Variants in STARD13 observed in about 807,000 individuals in gnomAD.
STARD13 encodes stAR-related lipid transfer protein 13.
A neutral mutation model predicts 106.4 loss-of-function variants in STARD13; 62 were observed. The ratio of observed to expected loss-of-function variants is 0.58; its 90% CI spans 0.48 to 0.72. The LOEUF is 0.72. Among genes scored for constraint, STARD13 ranks in the 30% least tolerant of loss-of-function variants. The pLI is 0.00. For missense variants in STARD13, 1,387 were observed against 1,424.0 expected (o/e 0.97, Z 0.42); for synonymous variants, 565 against 553.0 (o/e 1.02, Z -0.31).
At chr13:33,360,529 G>C in the STARD13 span, among the ~76,000 whole-genome samples, 1 of 151,544 alleles carries the variant, frequency 6.6e-6, no homozygotes, top group Non-Finnish European at 1.5e-5. Flanking sequence ...TAAATTTTAA[G>C]TGTCTTCCTG....
chr13:33,494,044 C>A, the STARD13 span, among the ~76,000 whole-genome samples: 1 of 152,168 alleles, frequency 6.6e-6, no homozygotes. Context: ...TACCTGATTA[C>A]CCAGAGTTAG....
At chr13:33,366,758 C>T in the STARD13 span, among the ~76,000 whole-genome samples, 1 of 152,212 alleles carries the variant, frequency 6.6e-6, no homozygotes, top group African/African-American at 2.4e-5. This position sits in a 1 kb window ranked among gnomAD's most constrained non-coding sequence, Gnocchi z 4.2. Flanking sequence ...CTTCACTATA[C>T]ATATTATTGG....
the STARD13 span, among the ~76,000 whole-genome samples, chr13:33,376,922 A>T: frequency 1.3e-5 from 2 of 152,192 alleles, no homozygotes; most frequent in African/African-American, 4.8e-5. Flanking sequence ...AGAGTTCTAG[A>T]AGACAGGCCT....
At position 33,116,956 on chromosome 13, in the gene STARD13, T is replaced by C. The variant is rs114686047; in HGVS notation, c.2281+1109A>G. ...TATTCTTCAAATTGAATCAAGTCCA[T>C]GTCAAGGTCCATTTCAGGCATATTT... On this transcript the variant is annotated intron_variant, in intron 8 of 13. Transcript: ENST00000336934. Among the ~76,000 whole-genome samples, 159 of 152,336 alleles carry C rather than the reference T, an allele frequency of 1.0e-3. 1 individual carries two copies. Among genetic ancestry groups the C allele is most frequent in the African/African-American group, 3.6e-3 (148 of 41,574 alleles).
intron 13 of STARD13, among the ~76,000 whole-genome samples, chr13:33,106,119 A>T (rs1315531511): frequency 6.6e-6 from 1 of 152,218 alleles, no homozygotes; most frequent in African/African-American, 2.4e-5. Context: ...AAAAGGGGAC[A>T]GGCATAAAAG....
the STARD13 span, among the ~76,000 whole-genome samples, chr13:33,456,382 G>GT: frequency 2.6e-5 from 4 of 152,244 alleles, no homozygotes; most frequent in East Asian, 7.7e-4. Flanking sequence ...TAGAGATGGA[G>GT]TTTCACCATG....
intron 4 of STARD13, among the ~76,000 whole-genome samples, chr13:33,133,653 C>A (rs1339898136): frequency 1.6e-4 from 23 of 147,844 alleles, no homozygotes; most frequent in Non-Finnish European, 1.6e-4. Context: ...TATACTAAAG[C>A]AAAAAAAAAA....
chr13:33,483,906 G>A, the STARD13 span, among the ~76,000 whole-genome samples: 69 of 152,260 alleles, frequency 4.5e-4, no homozygotes, highest in East Asian at 7.1e-3. Context: ...AAAAGTATAT[G>A]ATTTTCCCTA....
At chr13:33,609,597 C>T in the STARD13 span, among the ~76,000 whole-genome samples, 22 of 148,394 alleles carry the variant, frequency 1.5e-4, 1 homozygote, top group South Asian at 3.0e-3. Context: ...GATGGAGTCT[C>T]GCTGTGTTGC....
the STARD13 span, among the ~76,000 whole-genome samples, chr13:33,638,140 C>T: frequency 6.6e-6 from 1 of 152,214 alleles, no homozygotes; most frequent in Admixed American, 6.5e-5. Context: ...AGAGCCCTGG[C>T]TCTCCTAGAA....
chr13:33,370,088 C>CAT, the STARD13 span, among the ~76,000 whole-genome samples: 1 of 152,186 alleles, frequency 6.6e-6, no homozygotes, highest in Admixed American at 6.5e-5. Context: ...TCTGCTTTCT[C>CAT]ATCTGTAAAA....
intron 1 of STARD13, among the ~76,000 whole-genome samples, chr13:33,181,303 T>C (rs1050946918): frequency 2.7e-5 from 4 of 149,368 alleles, no homozygotes; most frequent in African/African-American, 1.0e-4. Flanking sequence ...CACATATTCA[T>C]GCACATGGAT....
the STARD13 span, among the ~76,000 whole-genome samples, chr13:33,544,292 C>A: frequency 1.1e-4 from 17 of 152,164 alleles, no homozygotes; most frequent in African/African-American, 4.1e-4. Context: ...TAAATGTACA[C>A]AGTGCTTACA....
At chr13:33,597,167 T>C in the STARD13 span, among the ~76,000 whole-genome samples, 1 of 152,236 alleles carries the variant, frequency 6.6e-6, no homozygotes, top group African/African-American at 2.4e-5. Context: ...AGTGTATGAA[T>C]ATCCTTTTCT....
chr13:33,432,022 G>C, the STARD13 span, among the ~76,000 whole-genome samples: 1 of 152,276 alleles, frequency 6.6e-6, no homozygotes, highest in South Asian at 2.1e-4. Context: ...GCCAGGTAGA[G>C]AAGTCAAGGA....
intron 1 of STARD13, among the ~76,000 whole-genome samples, chr13:33,183,686 G>T (rs988821877): frequency 7.6e-6 from 1 of 131,756 alleles, no homozygotes; most frequent in East Asian, 2.3e-4. Flanking sequence ...TTGGTGAGGG[G>T]AGTCATCTCC....
the STARD13 span, among the ~76,000 whole-genome samples, chr13:33,432,184 G>A: frequency 6.6e-6 from 1 of 152,248 alleles, no homozygotes; most frequent in Non-Finnish European, 1.5e-5. Context: ...TGCTGGGAGA[G>A]AGAGGAGAAA....
chr13:33,348,357 A>C (rs2078038337), downstream of STARD13, among the ~76,000 whole-genome samples: 1 of 152,204 alleles, frequency 6.6e-6, no homozygotes, highest in Non-Finnish European at 1.5e-5. Flanking sequence ...TGCAATGTAA[A>C]ATTCATGTGA....
At chr13:33,561,985 G>A in the STARD13 span, among the ~76,000 whole-genome samples, 3 of 146,426 alleles carry the variant, frequency 2.0e-5, no homozygotes, top group Admixed American at 2.1e-4. Flanking sequence ...TTCACTTCAG[G>A]TTTTTCAAAA....
Sources: allele counts gnomAD v4.1 joint callset (sites outside exome capture counted in the v4.1 genomes callset), GRCh38; gene constraint gnomAD v4.1.1; non-coding constraint Gnocchi (gnomAD v3.1); transcripts MANE v1.5; gene names NCBI Gene and HGNC (gene_info 2026-07-23, HGNC 2026-07-21).